Variants in HSD17B3 observed in about 807,000 individuals in gnomAD.
The protein encoded by HSD17B3 is hydroxysteroid 17-beta dehydrogenase 3.
Under a neutral mutation model 41.1 loss-of-function variants are expected in HSD17B3, and 29 were observed. The observed-to-expected ratio is 0.71, with a 90% confidence interval of 0.53 to 0.96. The LOEUF is 0.96. Ranked by LOEUF, HSD17B3 falls within the 40% of genes least tolerant of loss-of-function variation. The pLI, the probability that HSD17B3 is intolerant of heterozygous loss-of-function variation, is 0.00. For missense variants in HSD17B3, 323 were observed against 374.6 expected, an observed-to-expected ratio of 0.86 and a Z score of 1.14; for synonymous variants, 126 against 145.6, an observed-to-expected ratio of 0.87 and a Z score of 0.97.
At chr9:96,263,741 AAAAAAT>A (rs895243053) in intron 2 of HSD17B3, among the ~76,000 whole-genome samples, 6 of 152,036 alleles carry the variant, frequency 3.9e-5, no homozygotes, top group Admixed American at 3.3e-4. Flanking sequence ...AAAAATAAAT[AAAAAAT>A]AAAAATAAAA....
chr9:96,252,708 T>C, intron 4 of HSD17B3, 95 bp downstream of exon 4: 1 of 790,478 alleles, frequency 1.3e-6, no homozygotes. Flanking sequence ...ATGGTTTGAG[T>C]ATAAATCACC....
intron 2 of HSD17B3, among the ~76,000 whole-genome samples, chr9:96,263,566 G>A (rs28523601): frequency 1.4e-5 from 2 of 138,806 alleles, no homozygotes; most frequent in Admixed American, 7.2e-5. Flanking sequence ...AAAAAAAAAA[G>A]AAAAAAAAAT....
rs543456149 is a variant in HSD17B3 at position 96,250,202 on chromosome 9, G to A, written c.454-416C>T. 197 of 1,136,384 alleles carry A rather than the reference G, an allele frequency of 1.7e-4. 1 individual carries two copies. The East Asian group carries it at 7.8e-3, about 45-fold the overall frequency. The allele number at this position is 1,136,384 out of a possible 1,614,324, so 70.4% of individuals were successfully genotyped here. ...TTCTGGGCTATGGAGGGCAGGTAAA[G>A]AAACCACTAGAATGACCAAAGATAA... On this transcript the variant is annotated intron_variant, in intron 5 of 10. Coordinates refer to ENST00000375263, the MANE Select transcript of HSD17B3 (RefSeq NM_000197.2).
chr9:96,235,501 G>A lies in HSD17B3; in HGVS notation c.892C>T (p.His298Tyr). The change falls in exon 11 of 11, where the codon CAC (histidine) becomes TAC (tyrosine). Residue 298 changes from histidine (H) to tyrosine (Y), a missense_variant. Coordinates refer to ENST00000375263, the MANE Select transcript of HSD17B3 (RefSeq NM_000197.2). ...SGAFQRLLLT[H>Y]YVAYLKLNTK... ...TTGAGCTTCAGGTATGCCACATAGTGTGTCAGGAGCAGCCTTTGGAAGGCA... is the reference window on the plus strand; with the variant it reads ...TTGAGCTTCAGGTATGCCACATAGTATGTCAGGAGCAGCCTTTGGAAGGCA... 6.2e-7 allele frequency: 1 copy of A among 1,614,126 alleles called. No homozygotes were observed. Among genetic ancestry groups the A allele is most frequent in the Non-Finnish European group, 8.5e-7 (1 of 1,180,028 alleles).
chr9:96,298,655 GGGTT>G (rs973438072), intron 1 of HSD17B3, among the ~76,000 whole-genome samples, 193 bp from the exon 2 acceptor site: 1 of 151,974 alleles, frequency 6.6e-6, no homozygotes, highest in East Asian at 1.9e-4. Context: ...GTTGGTGGGT[GGGTT>G]GGTTGGTTGG....
At chr9:96,295,151 TAA>T in intron 2 of HSD17B3, among the ~76,000 whole-genome samples, 1 of 139,226 alleles carries the variant, frequency 7.2e-6, no homozygotes, top group Non-Finnish European at 1.6e-5. Flanking sequence ...GGATTACAGG[TAA>T]GCACCACCAC....
At chr9:96,260,872 A>G (rs1167925949) in intron 2 of HSD17B3, among the ~76,000 whole-genome samples, 1 of 152,156 alleles carries the variant, frequency 6.6e-6, no homozygotes, top group African/African-American at 2.4e-5. Context: ...TGTGACTCCC[A>G]TCCCCCTCAG....
rs1057195078 is a variant in HSD17B3, at chr9:96,266,120, T to C, written c.202-11177A>G. Among the ~76,000 whole-genome samples the C allele has an allele frequency of 3.3e-5, 5 of 152,330 alleles. No individual in the cohort carries two copies. The South Asian group carries it at 6.2e-4, about 19-fold the overall frequency. On this transcript the variant is annotated intron_variant, in intron 2 of 10. Coordinates refer to ENST00000375263, the MANE Select transcript of HSD17B3 (RefSeq NM_000197.2). ...AGAGATACAGGCAAGATTTAAAATA[T>C]AGAAAAAGGGTTAAGAGAGGAGAGT...
chr9:96,242,242 C>T (rs1356511541), intron 9 of HSD17B3, among the ~76,000 whole-genome samples: 4 of 152,168 alleles, frequency 2.6e-5, no homozygotes, highest in Admixed American at 2.6e-4. Flanking sequence ...AGTGTGCTTT[C>T]TCCACCACAG....
intron 2 of HSD17B3, among the ~76,000 whole-genome samples, chr9:96,283,021 T>C (rs796078269): frequency 1.7e-5 from 2 of 120,206 alleles, no homozygotes; most frequent in Non-Finnish European, 3.5e-5. Context: ...TTTTTTTTTT[T>C]AGAGATGGAG....
chr9:96,243,974 G>A (rs1262224890), intron 9 of HSD17B3, among the ~76,000 whole-genome samples: 2 of 152,138 alleles, frequency 1.3e-5, no homozygotes, highest in Non-Finnish European at 2.9e-5. Context: ...CCTGTGTTCT[G>A]TACCAGGGTC....
At chr9:96,293,557 C>T (rs1230408487) in intron 2 of HSD17B3, among the ~76,000 whole-genome samples, 6 of 151,692 alleles carry the variant, frequency 4.0e-5, no homozygotes, top group Non-Finnish European at 8.8e-5. Context: ...CCACTCTTCT[C>T]TCTCTGTCTC....
At chr9:96,292,365 A>T (rs752131435) in intron 2 of HSD17B3, among the ~76,000 whole-genome samples, 1 of 152,242 alleles carries the variant, frequency 6.6e-6, no homozygotes, top group Non-Finnish European at 1.5e-5. Flanking sequence ...ATTTGTTTTT[A>T]TTGATTTATT....
At chr9:96,246,392 A>G in intron 7 of HSD17B3, 164 bp downstream of exon 7, 1 of 710,910 alleles carries the variant, frequency 1.4e-6, no homozygotes, top group Admixed American at 2.0e-5. Flanking sequence ...GGCCTGGCCC[A>G]GAACGTTATG....
chr9:96,277,948 A>G (rs1390726216), intron 2 of HSD17B3, among the ~76,000 whole-genome samples: 1 of 152,204 alleles, frequency 6.6e-6, no homozygotes, highest in Non-Finnish European at 1.5e-5. Context: ...TTGGACATGG[A>G]TAAATGAGGA....
intron 10 of HSD17B3, among the ~76,000 whole-genome samples, chr9:96,236,053 TC>T (rs753677818): frequency 2.3e-4 from 35 of 151,458 alleles, no homozygotes; most frequent in Non-Finnish European, 1.6e-4. Flanking sequence ...TAAGTGATCC[TC>T]CTGCTTTGGC....
chr9:96,287,696 C>T (rs1185356019), intron 2 of HSD17B3, among the ~76,000 whole-genome samples: 2 of 151,698 alleles, frequency 1.3e-5, no homozygotes, highest in African/African-American at 2.4e-5. Flanking sequence ...GGCAAGAGAG[C>T]GAGACTCCGT....
At chr9:96,243,015 G>C (rs1836513568) in intron 9 of HSD17B3, among the ~76,000 whole-genome samples, 1 of 152,202 alleles carries the variant, frequency 6.6e-6, no homozygotes, top group Admixed American at 6.5e-5. Flanking sequence ...TGTCAAAGCA[G>C]GACCCACTAG....
At chr9:96,292,674 C>T (rs1489067617) in intron 2 of HSD17B3, among the ~76,000 whole-genome samples, 1 of 152,166 alleles carries the variant, frequency 6.6e-6, no homozygotes, top group Non-Finnish European at 1.5e-5. Flanking sequence ...TGTAAACCTA[C>T]AGATTCAAGA....
Sources: gnomAD v4.1 joint callset for allele counts (sites outside exome capture counted in the v4.1 genomes callset) on GRCh38, gnomAD v4.1.1 for gene constraint, MANE v1.5 for transcripts, NCBI Gene and HGNC (gene_info 2026-07-23, HGNC 2026-07-21) for gene names.